SAP18: variants seen among roughly 807,000 people sequenced by gnomAD.
The protein encoded by SAP18 is histone deacetylase complex subunit SAP18.
In SAP18, 4 loss-of-function variants were observed where a neutral mutation model predicts 18.6. That is an observed-to-expected ratio of 0.21 (90% CI 0.11 to 0.49). The LOEUF (loss-of-function observed/expected upper bound fraction) is 0.49, where lower values mean the gene tolerates loss of function less well. Ranked by LOEUF, SAP18 falls within the 20% of genes least tolerant of loss-of-function variation. The pLI is 0.98. For synonymous variants in SAP18, 112 were observed against 82.8 expected (o/e 1.35, Z -1.92); for missense variants, 170 against 226.4 (o/e 0.75, Z 1.60).
At chr13:21,143,625 C>T (rs1869542881) in intron 2 of SAP18, among the ~76,000 whole-genome samples, 1 of 152,142 alleles carries the variant, frequency 6.6e-6, no homozygotes, top group Non-Finnish European at 1.5e-5. Context: ...AAAGTCAAGA[C>T]GGTACTGCTC....
At chr13:21,140,625 C>T (rs777404407) in exon 1 of SAP18, 2 of 1,612,474 alleles carry the variant, frequency 1.2e-6, no homozygotes, top group Admixed American at 1.7e-5. Context: ...GGTGGAGTCG[C>T]GCGTTACCCA....
In SAP18 at chr13:21,147,189, T is replaced by G. The variant is rs762865201; in HGVS notation, c.366T>G (p.Val122=). The G allele has an allele frequency of 1.2e-5, 19 of 1,612,524 alleles. No individual in the cohort carries two copies. The African/African-American group carries it at 2.5e-4, about 22-fold the overall frequency. The change falls in exon 4 of 4, where the codon GTT becomes GTG. Residue 122 remains valine, a synonymous_variant. Transcript: ENST00000621421. ...CAGTTGATTTTCTTTCTTACAGAGT[T>G]AAGGAGATTGGCAGCACCATGTCTG...
At chr13:21,148,273 ATTG>A (rs1869722638) in exon 4 of SAP18, 1 of 152,194 alleles carries the variant, frequency 6.6e-6, no homozygotes. Flanking sequence ...GGCCTATAGG[ATTG>A]TTAAGACTGA....
rs1285944563 is a variant in SAP18 at position 21,140,693 on chromosome 13, C to T, written c.129+12C>T. The T allele has an allele frequency of 2.5e-6, 4 of 1,608,718 alleles. No individual in the cohort carries two copies. Among genetic ancestry groups the T allele is most frequent in the Admixed American group, 1.7e-5 (1 of 59,314 alleles). ...TCGACCGCGAGAAGGTGAAGGCCCC[C>T]TCCGCTTTGGGGTCCGGGAAGAGGT... On this transcript the variant is annotated intron_variant, in intron 1 of 3. Transcript: ENST00000621421.
At chr13:21,146,753 A>G in intron 2 of SAP18, 52 bp from the exon 3 acceptor site, 4 of 1,432,828 alleles carry the variant, frequency 2.8e-6, no homozygotes, top group Non-Finnish European at 9.5e-7. Context: ...CCCTTTTAAT[A>G]TTATTGCTGA....
rs762311999 is a variant in SAP18, at chr13:21,140,700, T to C, written c.129+19T>C. ...CGAGAAGGTGAAGGCCCCCTCCGCT[T>C]TGGGGTCCGGGAAGAGGTTGGGGAT... On this transcript the variant is annotated intron_variant, in intron 1 of 3. Coordinates refer to ENST00000621421, the Ensembl canonical transcript of SAP18. 6.8e-6 allele frequency: 11 copies of C among 1,606,614 alleles called. No homozygotes were observed. The highest frequency in any genetic ancestry group is 1.7e-4 in the Middle Eastern group (1 of 6,058).
At chr13:21,144,556 A>G (rs763231426) in intron 2 of SAP18, among the ~76,000 whole-genome samples, 1 of 152,224 alleles carries the variant, frequency 6.6e-6, no homozygotes, top group South Asian at 2.1e-4. Flanking sequence ...TAATAGAATC[A>G]GGCCTCCCCA....
intron 2 of SAP18, among the ~76,000 whole-genome samples, chr13:21,145,010 CT>C (rs1390070988): frequency 6.6e-6 from 1 of 151,218 alleles, no homozygotes; most frequent in African/African-American, 2.4e-5. Context: ...AAATCTGAAA[CT>C]TTTGAGAGCT....
chr13:21,140,147 G>A (rs1174745752), upstream of SAP18, among the ~76,000 whole-genome samples: 1 of 152,228 alleles, frequency 6.6e-6, no homozygotes, highest in East Asian at 1.9e-4. Flanking sequence ...GTGGCTGGAA[G>A]GATCGCTCCA....
chr13:21,140,131 CTG>C (rs1232662710), upstream of SAP18, among the ~76,000 whole-genome samples: 3 of 152,216 alleles, frequency 2.0e-5, no homozygotes, highest in African/African-American at 7.2e-5. Context: ...GCCACCCGAA[CTG>C]TGTGTGGCTG....
chr13:21,142,308 A>G (rs928887280), intron 2 of SAP18, among the ~76,000 whole-genome samples: 2 of 151,184 alleles, frequency 1.3e-5, no homozygotes, highest in East Asian at 2.0e-4. Context: ...GTGTGTGCCT[A>G]TATAACAAAA....
At chr13:21,141,998 T>A (rs1199636869) in intron 2 of SAP18, among the ~76,000 whole-genome samples, 1 of 150,272 alleles carries the variant, frequency 6.7e-6, no homozygotes, top group African/African-American at 2.4e-5. Context: ...TGAAAAGATA[T>A]ATAACAAGCC....
intron 2 of SAP18, chr13:21,146,580 A>G: frequency 2.9e-6 from 1 of 347,648 alleles, no homozygotes; most frequent in Non-Finnish European, 5.3e-6. Flanking sequence ...TTTAGCACTA[A>G]GAGTCTAATT....
exon 4 of SAP18, chr13:21,149,064 A>G (rs183229638): frequency 1.1e-3 from 171 of 151,180 alleles, no homozygotes; most frequent in African/African-American, 3.7e-3. Flanking sequence ...ATAGAAATAA[A>G]TAAGTAGTCA....
At chr13:21,143,163 A>C (rs1433506220) in intron 2 of SAP18, among the ~76,000 whole-genome samples, 2 of 152,176 alleles carry the variant, frequency 1.3e-5, no homozygotes, top group Non-Finnish European at 2.9e-5. Context: ...ATTGTGAATA[A>C]TGCTGCTGTG....
intron 2 of SAP18, among the ~76,000 whole-genome samples, chr13:21,145,817 C>CA (rs1348516401): frequency 1.3e-5 from 2 of 151,694 alleles, no homozygotes; most frequent in African/African-American, 4.8e-5. Context: ...CCGCACCTGG[C>CA]AAAAAAATGT....
chr13:21,140,878 T>A lies in SAP18; in HGVS notation c.130-8T>A. On this transcript the variant is annotated splice_region_variant and splice_polypyrimidine_tract_variant and intron_variant, in intron 1 of 3. Coordinates refer to ENST00000621421, the Ensembl canonical transcript of SAP18. ...AACTTCTGCCCTTCCGTTTTCTCTCTCCCTCAGACATGCCCACTGTTGCTA... is the reference window on the plus strand; with the variant it reads ...AACTTCTGCCCTTCCGTTTTCTCTCACCCTCAGACATGCCCACTGTTGCTA... 1.2e-6 allele frequency: 2 copies of A among 1,610,268 alleles called. No homozygotes were observed. The highest frequency in any genetic ancestry group is 1.3e-5 in the African/African-American group (1 of 74,912).
chr13:21,145,691 T>G (rs1469743536), intron 2 of SAP18, among the ~76,000 whole-genome samples: 1 of 152,176 alleles, frequency 6.6e-6, no homozygotes, highest in African/African-American at 2.4e-5. Context: ...TTTTGGATTT[T>G]TAGTAGAAAC....
chr13:21,146,905 G>A (rs769673358), exon 3 of SAP18: 1 of 1,611,334 alleles, frequency 6.2e-7, no homozygotes, highest in South Asian at 1.1e-5. Flanking sequence ...CGTTTTTACA[G>A]ATGTTAAAAG....
Sources: allele counts gnomAD v4.1 joint callset (sites outside exome capture counted in the v4.1 genomes callset), GRCh38; gene constraint gnomAD v4.1.1; transcripts MANE v1.5; gene names NCBI Gene and HGNC (gene_info 2026-07-23, HGNC 2026-07-21).